Variants in SRBD1 observed in about 807,000 individuals in gnomAD.
SRBD1 encodes S1 RNA-binding domain-containing protein 1.
In SRBD1, 88 loss-of-function variants were observed where a neutral mutation model predicts 115.3. That is an observed-to-expected ratio of 0.76 (90% confidence interval 0.64 to 0.91). The LOEUF is 0.91. Ranked by LOEUF, SRBD1 falls within the 40% of genes least tolerant of loss-of-function variation. SRBD1 has a pLI of 0.00. For synonymous variants in SRBD1, 509 were observed against 407.7 expected, an observed-to-expected ratio of 1.25 and a Z score of -2.99; for missense variants, 1,385 against 1,177.4, an observed-to-expected ratio of 1.18 and a Z score of -2.58.
At chr2:45,496,525 C>T (rs868756069) in intron 14 of SRBD1, among the ~76,000 whole-genome samples, 14 of 152,076 alleles carry the variant, frequency 9.2e-5, no homozygotes, top group Admixed American at 2.6e-4. Context: ...ATATACTTTG[C>T]CGGCAACAAA....
At chr2:45,483,327 G>C (rs1157939255) in intron 15 of SRBD1, among the ~76,000 whole-genome samples, 1 of 151,972 alleles carries the variant, frequency 6.6e-6, no homozygotes, top group Non-Finnish European at 1.5e-5. Flanking sequence ...AATTACATTT[G>C]ACACACCAAA....
intron 7 of SRBD1, among the ~76,000 whole-genome samples, chr2:45,576,015 T>A (rs1229978424): frequency 2.0e-5 from 3 of 152,148 alleles, no homozygotes; most frequent in Non-Finnish European, 4.4e-5. Flanking sequence ...CACTTCTACA[T>A]GGATTAATTA....
intron 16 of SRBD1, among the ~76,000 whole-genome samples, chr2:45,423,571 C>CA (rs1004016177): frequency 2.8e-4 from 43 of 151,672 alleles, no homozygotes; most frequent in African/African-American, 9.7e-4. Flanking sequence ...ACTCTCCCAA[C>CA]AAAAAAAAGT....
intron 16 of SRBD1, among the ~76,000 whole-genome samples, chr2:45,457,118 A>T (rs915463706): frequency 6.6e-6 from 1 of 151,988 alleles, no homozygotes; most frequent in African/African-American, 2.4e-5. Flanking sequence ...TCTAACACAG[A>T]GAAACAAAAT....
chr2:45,546,895 C>G (rs903786856), intron 13 of SRBD1, 56 bp from the exon 14 acceptor site: 7 of 1,528,494 alleles, frequency 4.6e-6, no homozygotes, highest in Non-Finnish European at 6.3e-6. Context: ...TTGAAATCAG[C>G]TGGAGAAAAT....
chr2:45,531,486 C>T (rs6726227), intron 14 of SRBD1, among the ~76,000 whole-genome samples: 103,468 of 151,540 alleles, frequency 0.68, 36,804 homozygotes, highest in African/African-American at 0.83. Context: ...AAGTAAATAT[C>T]TTCTATAACA....
intron 14 of SRBD1, among the ~76,000 whole-genome samples, chr2:45,521,843 C>T (rs1295215591): frequency 6.6e-6 from 1 of 151,958 alleles, no homozygotes; most frequent in Non-Finnish European, 1.5e-5. Flanking sequence ...TGGCACGTGC[C>T]TCTAGTCCCA....
chr2:45,538,167 A>G (rs894863917), intron 14 of SRBD1, among the ~76,000 whole-genome samples: 1 of 152,250 alleles, frequency 6.6e-6, no homozygotes, highest in African/African-American at 2.4e-5. Flanking sequence ...CAGCTACATC[A>G]CAGCTTCCTT....
chr2:45,474,025 T>C (rs1227017440), intron 16 of SRBD1, among the ~76,000 whole-genome samples: 1 of 152,240 alleles, frequency 6.6e-6, no homozygotes, highest in Non-Finnish European at 1.5e-5. Flanking sequence ...ATTCATTAAT[T>C]TGCTTTTAAC....
chr2:45,402,942 C>A (rs949752579), intron 19 of SRBD1, among the ~76,000 whole-genome samples: 6 of 152,242 alleles, frequency 3.9e-5, no homozygotes, highest in African/African-American at 9.6e-5. Context: ...GGGAGAATAA[C>A]CCCTAAATAG....
intron 11 of SRBD1, among the ~76,000 whole-genome samples, chr2:45,552,905 T>C (rs1672347881): frequency 6.6e-6 from 1 of 152,190 alleles, no homozygotes; most frequent in South Asian, 2.1e-4. Context: ...CTAAAAATTC[T>C]AGAGAGGTTG....
chr2:45,573,140 T>G, intron 9 of SRBD1, 67 bp downstream of exon 9: 3 of 1,460,436 alleles, frequency 2.1e-6, no homozygotes, highest in Non-Finnish European at 2.7e-6. Context: ...CTTAGTAAAG[T>G]AGCAGGCAAA....
intron 10 of SRBD1, among the ~76,000 whole-genome samples, chr2:45,555,316 T>A (rs764401047): frequency 1.3e-5 from 2 of 152,008 alleles, no homozygotes; most frequent in African/African-American, 4.8e-5. Flanking sequence ...GCCCAGGAGG[T>A]TGAAGCTGTA....
At chr2:45,519,793 A>G (rs1020995552) in intron 14 of SRBD1, among the ~76,000 whole-genome samples, 4 of 152,194 alleles carry the variant, frequency 2.6e-5, no homozygotes, top group Admixed American at 6.5e-5. Flanking sequence ...TCTGCTATAC[A>G]GTAATGGAGC....
chr2:45,532,800 A>AC (rs1347033925), intron 14 of SRBD1, among the ~76,000 whole-genome samples: 1 of 146,714 alleles, frequency 6.8e-6, no homozygotes, highest in Admixed American at 6.7e-5. Context: ...AGGTTTACCG[A>AC]CCCCCCACTG....
chr2:45,420,760 T>G (rs2103637450), intron 16 of SRBD1, among the ~76,000 whole-genome samples: 1 of 152,372 alleles, frequency 6.6e-6, no homozygotes, highest in African/African-American at 2.4e-5. Flanking sequence ...GCAGCATTTC[T>G]TAAAAGAGTA....
At chr2:45,554,168 G>A (rs745348989) in intron 10 of SRBD1, among the ~76,000 whole-genome samples, 2 of 152,170 alleles carry the variant, frequency 1.3e-5, no homozygotes, top group Non-Finnish European at 2.9e-5. Flanking sequence ...GATGGAATCA[G>A]TGCCCTGATA....
chr2:45,474,353 T>C (rs991873912), intron 16 of SRBD1, among the ~76,000 whole-genome samples: 4 of 152,252 alleles, frequency 2.6e-5, no homozygotes, highest in Non-Finnish European at 4.4e-5. Flanking sequence ...ATGCTGTTTC[T>C]GTTTACTATT....
At chr2:45,390,398 G>C (rs1169627200) in intron 20 of SRBD1, among the ~76,000 whole-genome samples, 1 of 152,022 alleles carries the variant, frequency 6.6e-6, no homozygotes, top group Non-Finnish European at 1.5e-5. Context: ...GTTCATTATT[G>C]TCCAAAAGGT....
Sources: allele counts gnomAD v4.1 joint callset (sites outside exome capture counted in the v4.1 genomes callset), GRCh38; gene constraint gnomAD v4.1.1; transcripts MANE v1.5; gene names NCBI Gene and HGNC (gene_info 2026-07-23, HGNC 2026-07-21).